The following PIK3C2G variants were observed in gnomAD, a reference collection of about 807,000 sequenced individuals.
PIK3C2G encodes the protein phosphatidylinositol-4-phosphate 3-kinase catalytic subunit type 2 gamma.
In PIK3C2G, 168 loss-of-function variants were observed where a neutral mutation model predicts 181.1. The ratio of observed to expected loss-of-function variants is 0.93; its 90% CI spans 0.82 to 1.05. PIK3C2G has a LOEUF of 1.05. PIK3C2G is among the 50% of genes least tolerant of loss of function. The pLI is 0.00. For missense variants in PIK3C2G, 1,869 were observed against 1,732.8 expected (o/e 1.08, Z -1.40); for synonymous variants, 573 against 592.2 (o/e 0.97, Z 0.47).
intron 21 of PIK3C2G, among the ~76,000 whole-genome samples, chr12:18,497,408 A>C (rs552353089): frequency 6.6e-6 from 1 of 152,180 alleles, no homozygotes; most frequent in Non-Finnish European, 1.5e-5. Context: ...TTGATGGTTG[A>C]AGCTTCTGTA....
chr12:18,598,308 T>A (rs201663191), intron 30 of PIK3C2G, among the ~76,000 whole-genome samples: 5 of 150,912 alleles, frequency 3.3e-5, no homozygotes, highest in Admixed American at 2.6e-4. Flanking sequence ...GAGATATAGA[T>A]CAATGGAACA....
At chr12:18,514,662 T>C (rs990650289) in intron 24 of PIK3C2G, among the ~76,000 whole-genome samples, 1 of 151,856 alleles carries the variant, frequency 6.6e-6, no homozygotes, top group South Asian at 2.1e-4. Flanking sequence ...AGTATTTCTA[T>C]GTAAATGATC....
At chr12:18,356,017 G>A (rs1940694116) in intron 11 of PIK3C2G, among the ~76,000 whole-genome samples, 1 of 152,176 alleles carries the variant, frequency 6.6e-6, no homozygotes, top group Non-Finnish European at 1.5e-5. Context: ...TGGCCTTCCG[G>A]CAATACTGAG....
At chr12:18,422,588 C>A (rs1173443719) in intron 17 of PIK3C2G, among the ~76,000 whole-genome samples, 1 of 151,994 alleles carries the variant, frequency 6.6e-6, no homozygotes, top group Non-Finnish European at 1.5e-5. Flanking sequence ...TACTGCAAAC[C>A]ACTTCAGATA....
At chr12:18,629,789 A>C (rs937041611) in intron 31 of PIK3C2G, among the ~76,000 whole-genome samples, 1 of 152,194 alleles carries the variant, frequency 6.6e-6, no homozygotes, top group Non-Finnish European at 1.5e-5. Context: ...CTAGCTGTTT[A>C]GGGTAAACAC....
chr12:18,295,469 C>T (rs1419960334), intron 5 of PIK3C2G, among the ~76,000 whole-genome samples: 4 of 151,822 alleles, frequency 2.6e-5, no homozygotes, highest in Non-Finnish European at 5.9e-5. Context: ...AAAATGCCAT[C>T]CAGAAAGCAA....
chr12:18,281,825 T>C (rs994302062), intron 1 of PIK3C2G, among the ~76,000 whole-genome samples, 179 bp from the exon 2 acceptor site: 1 of 152,074 alleles, frequency 6.6e-6, no homozygotes, highest in African/African-American at 2.4e-5. Context: ...GTCAATACTT[T>C]CCTTTCAGAC....
chr12:18,442,610 A>C (rs1358055514), intron 18 of PIK3C2G, among the ~76,000 whole-genome samples: 2 of 152,160 alleles, frequency 1.3e-5, no homozygotes, highest in Non-Finnish European at 2.9e-5. Context: ...ACAAATATAG[A>C]GAGGCTAAAA....
chr12:18,324,114 G>A lies in PIK3C2G; in HGVS notation c.1209-921G>A, dbSNP rs140721503. ...GGGCGCCTGTAGTCCCAGCTACTCC[G>A]GATGCTGAGGCAGGAGAATGACGTG... is the stretch of plus-strand genomic sequence containing the variant. On this transcript the variant is annotated intron_variant, in intron 7 of 32. Transcript: ENST00000538779. Among the ~76,000 whole-genome samples the A allele has an allele frequency of 9.2e-3, 1,397 of 152,074 alleles. 24 individuals carry two copies. The highest frequency in any genetic ancestry group is 0.032 in the African/African-American group (1,344 of 41,504).
chr12:18,284,522 C>CT (rs1362487523), intron 2 of PIK3C2G, among the ~76,000 whole-genome samples: 1 of 152,134 alleles, frequency 6.6e-6, no homozygotes, highest in Non-Finnish European at 1.5e-5. Flanking sequence ...GAAAATAACT[C>CT]TACCAGTCAA....
chr12:18,320,324 C>CGT (rs57161773), intron 6 of PIK3C2G, among the ~76,000 whole-genome samples: 20,650 of 151,894 alleles, frequency 0.14, 1,721 homozygotes, highest in Admixed American at 0.22. Flanking sequence ...TTAAGGTATG[C>CGT]GTGTGTGTGT....
chr12:18,701,808 C>A, the PIK3C2G span: 1 of 1,572,190 alleles, frequency 6.4e-7, no homozygotes. Context: ...TACAATTACA[C>A]ATTTACAAGT....
chr12:18,374,133 T>C lies in PIK3C2G; in HGVS notation c.1880+2822T>C, dbSNP rs1010717807. 3.7e-4 allele frequency among the ~76,000 whole-genome samples: 56 copies of C among 152,130 alleles called. 1 individual carries two copies. Among genetic ancestry groups the C allele is most frequent in the Admixed American group, 1.9e-3 (29 of 15,268 alleles). ...AAATAATAGAATTTTCTGAGGAGAT[T>C]TAAAAATAATCCCAAAGCCCAAGCA... is the stretch of plus-strand genomic sequence containing the variant. On this transcript the variant is annotated intron_variant, in intron 13 of 32. Transcript: ENST00000538779.
chr12:18,609,668 C>CCTTACCTGTTTTGGGTA (rs1490774900), intron 31 of PIK3C2G, 39 bp downstream of exon 31: 1 of 1,269,990 alleles, frequency 7.9e-7, no homozygotes, highest in Non-Finnish European at 1.1e-6. Flanking sequence ...TGTAAGCCTA[C>CCTTACCTGTTTTGGGTA]ATCCAGAAAT....
intron 18 of PIK3C2G, among the ~76,000 whole-genome samples, chr12:18,427,493 A>C (rs191567721): frequency 0.012 from 1,583 of 137,558 alleles, 27 homozygotes; most frequent in African/African-American, 0.04. Flanking sequence ...CAACAGCGAG[A>C]CTCCATTAAA....
chr12:18,510,014 G>T (rs1398949478), intron 24 of PIK3C2G, among the ~76,000 whole-genome samples: 1 of 152,056 alleles, frequency 6.6e-6, no homozygotes, highest in Non-Finnish European at 1.5e-5. Flanking sequence ...TGTCACCAAG[G>T]CTGGAGTGCA....
At position 18,421,202 on chromosome 12, in the gene PIK3C2G, T is replaced by A. The variant is rs373068801; in HGVS notation, c.2409+168T>A. 5.3e-5 allele frequency among the ~76,000 whole-genome samples: 8 copies of A among 152,140 alleles called. No homozygotes were observed. In the South Asian group the frequency reaches 1.7e-3, roughly 31 times the overall value. On this transcript the variant is annotated intron_variant, in intron 17 of 32. Coordinates refer to ENST00000538779, the MANE Select transcript of PIK3C2G (RefSeq NM_001288772.2). ...TGAAGACATTCTCTAGCTGAAATTG[T>A]TACAATTACAAAATACATTAATTCC...
Position 18,282,064 on chromosome 12 carries a change from A to T in PIK3C2G, c.-18A>T, listed in dbSNP as rs1280031386. 4.8e-6 allele frequency: 7 copies of T among 1,472,876 alleles called. No homozygotes were observed. In the South Asian group the frequency reaches 6.1e-5, roughly 13 times the overall value. 91.2% of individuals were successfully genotyped at this position (1,472,876 alleles called of 1,614,324 possible). A position where few individuals can be genotyped will look rare whatever the true frequency, so the allele number is the denominator to read the frequency against. On this transcript the variant is annotated 5_prime_UTR_variant, in exon 2 of 33. Transcript: ENST00000538779. ...TATTTGGAGCAGAGTCAACCCTCTC[A>T]GTTACATAAAATAAAAAATGGCATA...
the PIK3C2G span, among the ~76,000 whole-genome samples, chr12:18,667,777 G>A: frequency 6.6e-6 from 1 of 152,240 alleles, no homozygotes; most frequent in South Asian, 2.1e-4. Flanking sequence ...GTTAAGAAAT[G>A]TCCTTGAGCC....
Sources: gnomAD v4.1 joint callset for allele counts (sites outside exome capture counted in the v4.1 genomes callset) on GRCh38, gnomAD v4.1.1 for gene constraint, MANE v1.5 for transcripts, NCBI Gene and HGNC (gene_info 2026-07-23, HGNC 2026-07-21) for gene names.